Variants in CLCN5 observed in about 807,000 individuals in gnomAD.
CLCN5 encodes the protein Cl-/H+ antiporter 5, also known as H(+)/Cl(-) exchange transporter 5.
Under a neutral mutation model 54.0 loss-of-function variants are expected in CLCN5, and 17 were observed. The observed-to-expected ratio is 0.31, with a 90% confidence interval of 0.22 to 0.47. The LOEUF (loss-of-function observed/expected upper bound fraction) is 0.47. Ranked by LOEUF, CLCN5 falls within the 20% of genes least tolerant of loss-of-function variation. The pLI is 1.00. For synonymous variants in CLCN5, 222 were observed against 233.0 expected (o/e 0.95, Z 0.43); for missense variants, 448 against 646.7 (o/e 0.69, Z 3.33).
chrX:49,937,004 G>C (rs1476329586), intron 3 of CLCN5, among the ~76,000 whole-genome samples: 3 of 111,568 alleles, frequency 2.7e-5, no homozygotes, highest in African/African-American at 9.8e-5. Context: ...TAGGTGGAAA[G>C]ATCACTTGGG....
intron 3 of CLCN5, among the ~76,000 whole-genome samples, chrX:50,014,941 A>G (rs1010845138): frequency 3.6e-5 from 4 of 111,658 alleles, no homozygotes; most frequent in African/African-American, 1.3e-4. Context: ...GTGGGCGGGA[A>G]CCAGAGCCTT....
intron 7 of CLCN5, among the ~76,000 whole-genome samples, chrX:50,079,822 G>A (rs933406147): frequency 1.8e-5 from 2 of 110,757 alleles, no homozygotes; most frequent in Non-Finnish European, 3.8e-5. Context: ...GTGGACCAAA[G>A]GGTACAAATT....
At chrX:50,017,320 T>C (rs1602054540) in intron 3 of CLCN5, among the ~76,000 whole-genome samples, 1 of 112,247 alleles carries the variant, frequency 8.9e-6, no homozygotes, top group South Asian at 3.7e-4. Context: ...TTTTAGGCAT[T>C]CTAATAGGAA....
rs1394785495 is a variant in CLCN5 at position 49,936,542 on chromosome X, A to G, written c.16+11228A>G. Among the ~76,000 whole-genome samples the G allele has an allele frequency of 2.7e-5, 3 of 112,115 alleles. No individual in the cohort carries two copies. In the Admixed American group the frequency reaches 2.9e-4, roughly 11 times the overall value. On this transcript the variant is annotated intron_variant, in intron 3 of 14. Coordinates refer to ENST00000376091, the MANE Select transcript of CLCN5 (RefSeq NM_001127898.4). ...TATCAGGATGTGGTTGGTACCAATTATGGCACTTGGTTTTCTAGACTGTTA... is the reference window on the plus strand; with the variant it reads ...TATCAGGATGTGGTTGGTACCAATTGTGGCACTTGGTTTTCTAGACTGTTA...
intron 3 of CLCN5, among the ~76,000 whole-genome samples, chrX:49,927,391 T>G (rs1168880118): frequency 8.9e-6 from 1 of 112,113 alleles, no homozygotes; most frequent in East Asian, 2.8e-4. Flanking sequence ...CCAGCATTAG[T>G]GAAGAGGGGA....
intron 4 of CLCN5, among the ~76,000 whole-genome samples, chrX:50,062,806 A>T (rs1397534070): frequency 1.9e-5 from 2 of 102,609 alleles, no homozygotes; most frequent in Non-Finnish European, 3.9e-5. Context: ...ATAACAAACT[A>T]TCTCTCAGAC....
intron 3 of CLCN5, among the ~76,000 whole-genome samples, chrX:50,037,451 A>G (rs926953441): frequency 8.9e-6 from 1 of 112,122 alleles, no homozygotes; most frequent in Non-Finnish European, 1.9e-5. Context: ...GTTGGCTTGA[A>G]TACTAGAACT....
chrX:50,066,074 A>G (rs1249210048), intron 4 of CLCN5, among the ~76,000 whole-genome samples: 1 of 103,501 alleles, frequency 9.7e-6, no homozygotes, highest in African/African-American at 3.6e-5. Context: ...ATGATGAGTT[A>G]GTGGGTGCAG....
intron 3 of CLCN5, among the ~76,000 whole-genome samples, chrX:49,953,667 GT>G (rs1370396036): frequency 8.9e-6 from 1 of 112,156 alleles, no homozygotes; most frequent in African/African-American, 3.2e-5. Context: ...TTAATCCACT[GT>G]TATTGGATAT....
chrX:49,985,094 C>T (rs1557178148), intron 3 of CLCN5, among the ~76,000 whole-genome samples: 1 of 110,640 alleles, frequency 9.0e-6, no homozygotes, highest in African/African-American at 3.3e-5. Flanking sequence ...TAAAATATAT[C>T]TTTAAGGTGA....
At position 50,059,373 on chromosome X, in the gene CLCN5, A is replaced by C. The variant is rs782651791; in HGVS notation, c.164-10506A>C. 3.6e-5 allele frequency among the ~76,000 whole-genome samples: 4 copies of C among 112,232 alleles called. No individual in the cohort carries two copies. In the East Asian group the frequency reaches 1.1e-3, roughly 31 times the overall value. On this transcript the variant is annotated intron_variant, in intron 4 of 14. Transcript: ENST00000376091. ...TCTTCATGTGCTAAAAGTTTTCAAA[A>C]TATTGCTGTAGGGGCCACTGGCATT...
chrX:49,938,751 C>A, intron 3 of CLCN5, among the ~76,000 whole-genome samples: 1 of 107,660 alleles, frequency 9.3e-6, no homozygotes, highest in East Asian at 2.9e-4. Context: ...ATGTCTAAAA[C>A]ACCAAAAGCA....
At chrX:49,979,039 G>A (rs1429442207) in intron 3 of CLCN5, among the ~76,000 whole-genome samples, 1 of 111,130 alleles carries the variant, frequency 9.0e-6, no homozygotes, top group Non-Finnish European at 1.9e-5. Flanking sequence ...CAGGATGGGG[G>A]CCAACTTTGG....
At chrX:50,038,879 A>G (rs990244101) in intron 3 of CLCN5, among the ~76,000 whole-genome samples, 7 of 111,835 alleles carry the variant, frequency 6.3e-5, no homozygotes, top group African/African-American at 2.0e-4. Flanking sequence ...GGCTTATAAG[A>G]GAGAAAGTCA....
At chrX:50,079,013 CGG>C (rs1171163347) in intron 7 of CLCN5, among the ~76,000 whole-genome samples, 15 of 111,171 alleles carry the variant, frequency 1.3e-4, no homozygotes, top group African/African-American at 4.3e-4. Context: ...TTAGTAGAGA[CGG>C]GGTTTCACCA....
intron 3 of CLCN5, among the ~76,000 whole-genome samples, chrX:50,023,110 C>A (rs1931199461): frequency 3.1e-5 from 3 of 97,069 alleles, no homozygotes; most frequent in Middle Eastern, 9.7e-3. Flanking sequence ...GTGTGGGAGT[C>A]TTAAGTCTCT....
At position 50,098,102 on chromosome X, in the gene CLCN5, A is replaced by G. The variant is rs1271659685; in HGVS notation, c.*5883A>G. On this transcript the variant is annotated 3_prime_UTR_variant, in exon 15 of 15. Coordinates refer to ENST00000376091, the MANE Select transcript of CLCN5 (RefSeq NM_001127898.4). The stretch of plus-strand genomic sequence containing the variant: ...TTCTCTCCCATTTTCCTGGCTTTTT[A>G]GCACTCAGCTTTTTTTTATAAGTAT... 8.9e-6 allele frequency: 1 copy of G among 111,905 alleles called. No homozygotes were observed. Among genetic ancestry groups the G allele is most frequent in the African/African-American group, 3.3e-5 (1 of 30,647 alleles). 9.2% of individuals were successfully genotyped at this position (111,905 alleles called of 1,213,427 possible). A position where few individuals can be genotyped will look rare whatever the true frequency, so the allele number is the denominator to read the frequency against.
intron 3 of CLCN5, among the ~76,000 whole-genome samples, chrX:49,962,850 G>T (rs1231880968): frequency 8.9e-6 from 1 of 111,832 alleles, no homozygotes; most frequent in Non-Finnish European, 1.9e-5. Context: ...CAGGTATAGT[G>T]CTAATAACAG....
intron 3 of CLCN5, among the ~76,000 whole-genome samples, chrX:49,941,929 T>TC (rs1926358933): frequency 1.1e-5 from 1 of 92,257 alleles, no homozygotes; most frequent in African/African-American, 4.1e-5. Flanking sequence ...TCTTTTTTTT[T>TC]TTTTTTTTTT....
Sources: gnomAD v4.1 joint callset for allele counts (sites outside exome capture counted in the v4.1 genomes callset) on GRCh38, gnomAD v4.1.1 for gene constraint, MANE v1.5 for transcripts, NCBI Gene and HGNC (gene_info 2026-07-23, HGNC 2026-07-21) for gene names.